AGAP1: variants seen among roughly 807,000 people sequenced by gnomAD.
AGAP1 encodes the protein ArfGAP with GTPase domain, ankyrin repeat and PH domain 1, also known as arf-GAP with GTPase, ANK repeat and PH domain-containing protein 1.
Under a neutral mutation model 105.3 loss-of-function variants are expected in AGAP1, and 29 were observed. The ratio of observed to expected loss-of-function variants is 0.28; its 90% CI spans 0.21 to 0.38. The LOEUF is 0.38. Ranked by LOEUF, AGAP1 falls within the 10% of genes least tolerant of loss-of-function variation. The pLI, the probability that AGAP1 is intolerant of heterozygous loss-of-function variation, is 1.00. For missense variants in AGAP1, 998 were observed against 1,165.1 expected, an observed-to-expected ratio of 0.86 and a Z score of 2.09; for synonymous variants, 509 against 485.9, an observed-to-expected ratio of 1.05 and a Z score of -0.63.
intron 1 of AGAP1, among the ~76,000 whole-genome samples, chr2:235,678,793 A>G (rs1441021407): frequency 6.6e-6 from 1 of 152,050 alleles, no homozygotes; most frequent in Admixed American, 6.6e-5. Context: ...AGACGTAGTA[A>G]GAGTTCTGCC....
At chr2:235,853,084 G>A in intron 9 of AGAP1, 2 of 1,232,812 alleles carry the variant, frequency 1.6e-6, no homozygotes, top group Non-Finnish European at 1.0e-6. Context: ...GGAAATCAAT[G>A]AGCGTTTACG....
intron 6 of AGAP1, among the ~76,000 whole-genome samples, chr2:235,774,899 C>G (rs1425264135): frequency 6.6e-6 from 1 of 152,168 alleles, no homozygotes; most frequent in African/African-American, 2.4e-5. Context: ...GTGCTTGTCA[C>G]CAGGCTACAA....
At chr2:236,100,013 C>G (rs1157887397) in intron 16 of AGAP1, among the ~76,000 whole-genome samples, 2 of 152,104 alleles carry the variant, frequency 1.3e-5, no homozygotes, top group African/African-American at 4.8e-5. Context: ...GCACTCCAGC[C>G]TGAGCAATAG....
chr2:236,111,001 C>A (rs2059625611), intron 16 of AGAP1, among the ~76,000 whole-genome samples: 1 of 152,114 alleles, frequency 6.6e-6, no homozygotes, highest in Admixed American at 6.5e-5. Context: ...CAAACCAGCC[C>A]CCTCGGGCCT....
At chr2:235,767,445 C>T (rs902701549) in intron 6 of AGAP1, among the ~76,000 whole-genome samples, 1 of 152,194 alleles carries the variant, frequency 6.6e-6, no homozygotes, top group Non-Finnish European at 1.5e-5. Context: ...CACCATCAGC[C>T]TCTGTGCAGC....
chr2:236,101,060 A>G lies in AGAP1; in HGVS notation c.2115-19132A>G, dbSNP rs1008397804. ...TCCGCAGACCCAGGCCCCTCATTCC[A>G]TCAGTTTCTTTCAGCATGTTTCCAT... On this transcript the variant is annotated intron_variant, in intron 16 of 17. Transcript: ENST00000304032. This position sits in a 1 kb window ranked among gnomAD's most constrained non-coding sequence, Gnocchi z 4.9. Among the ~76,000 whole-genome samples, 2 of 152,110 alleles carry G rather than the reference A, an allele frequency of 1.3e-5. No individual in the cohort carries two copies.
chr2:235,889,795 A>G lies in AGAP1; in HGVS notation c.1155+6346A>G, dbSNP rs900027644. On this transcript the variant is annotated intron_variant, in intron 10 of 17. Coordinates refer to ENST00000304032, the MANE Select transcript of AGAP1 (RefSeq NM_001037131.3). The surrounding 1 kb of genome is among the most constrained non-coding windows in gnomAD (Gnocchi z 4.6). ...TTCTTAGGAGAGAACCTCTGTTTCT[A>G]AGCAGTGGAATAGAATTGCTTATGG... Among the ~76,000 whole-genome samples the G allele has an allele frequency of 6.6e-6, 1 of 152,174 alleles. No homozygotes were observed. The highest frequency in any genetic ancestry group is 1.5e-5 in the Non-Finnish European group (1 of 68,032).
At chr2:236,091,695 C>T (rs2059064830) in intron 16 of AGAP1, among the ~76,000 whole-genome samples, 1 of 152,202 alleles carries the variant, frequency 6.6e-6, no homozygotes, top group South Asian at 2.1e-4. Context: ...TGGCTTGAGC[C>T]TGGGAGGCAG....
At chr2:235,772,355 A>G (rs1178680474) in intron 6 of AGAP1, among the ~76,000 whole-genome samples, 1 of 152,156 alleles carries the variant, frequency 6.6e-6, no homozygotes, top group South Asian at 2.1e-4. Flanking sequence ...ATGACAGACC[A>G]CACTGAGAAA....
rs1327540061 is a variant in AGAP1 at position 235,882,120 on chromosome 2, A to G, written c.1051-1225A>G. On this transcript the variant is annotated intron_variant, in intron 9 of 17. Transcript: ENST00000304032. This position sits in a 1 kb window ranked among gnomAD's most constrained non-coding sequence, Gnocchi z 4.6. ...GTTTTTGTTTTTGTTCTTTTTGGCT[A>G]CAAGGTGTGTTTTATTTTCATTATT... Among the ~76,000 whole-genome samples the G allele has an allele frequency of 1.3e-5, 2 of 151,814 alleles. No individual in the cohort carries two copies. Among genetic ancestry groups the G allele is most frequent in the Non-Finnish European group, 2.9e-5 (2 of 67,982 alleles).
intron 1 of AGAP1, among the ~76,000 whole-genome samples, chr2:235,594,774 A>G (rs1945463604): frequency 1.3e-5 from 2 of 150,860 alleles, no homozygotes; most frequent in African/African-American, 4.9e-5. Context: ...GGGTCTCACC[A>G]TGTTGACCAG....
intron 1 of AGAP1, among the ~76,000 whole-genome samples, chr2:235,541,011 A>G (rs568058647): frequency 2.6e-5 from 4 of 152,342 alleles, no homozygotes; most frequent in African/African-American, 9.6e-5. Context: ...ATATTTGCTT[A>G]TAGTTTTAAA....
At chr2:235,749,244 G>T (rs900895822) in intron 5 of AGAP1, among the ~76,000 whole-genome samples, 3 of 151,612 alleles carry the variant, frequency 2.0e-5, no homozygotes, top group Admixed American at 2.0e-4. Context: ...TCTGTGAAAA[G>T]TCCTCTCTCC....
chr2:236,026,747 AAAG>A (rs1284366297), intron 13 of AGAP1, among the ~76,000 whole-genome samples: 3 of 152,138 alleles, frequency 2.0e-5, no homozygotes, highest in African/African-American at 7.2e-5. Flanking sequence ...ATAAAAATTA[AAAG>A]AAGGACAGTA....
In AGAP1 at chr2:235,883,295, C is replaced by A. The variant is rs1264946335; in HGVS notation, c.1051-50C>A. 6 of 1,561,086 alleles carry A rather than the reference C, an allele frequency of 3.8e-6. No homozygotes were observed. Among genetic ancestry groups the A allele is most frequent in the Non-Finnish European group, 5.3e-6 (6 of 1,135,842 alleles). On this transcript the variant is annotated intron_variant, in intron 9 of 17. Coordinates refer to ENST00000304032, the MANE Select transcript of AGAP1 (RefSeq NM_001037131.3). The surrounding 1 kb of genome is among the most constrained non-coding windows in gnomAD (Gnocchi z 4.5). The stretch of plus-strand genomic sequence containing the variant: ...TATGTTGCCTGTGTACCTGCCTTTT[C>A]TTTTTTTTATTTACATTAGAATTTC...
intron 13 of AGAP1, among the ~76,000 whole-genome samples, chr2:235,978,113 G>A (rs1224323812): frequency 1.3e-5 from 2 of 152,100 alleles, no homozygotes; most frequent in Non-Finnish European, 2.9e-5. Context: ...AGCCCTCATG[G>A]CCTCATCTAA....
Position 236,105,565 on chromosome 2 carries a change from T to C in AGAP1, c.2115-14627T>C, listed in dbSNP as rs1047525239. On this transcript the variant is annotated intron_variant, in intron 16 of 17. Coordinates refer to ENST00000304032, the MANE Select transcript of AGAP1 (RefSeq NM_001037131.3). This position sits in a 1 kb window ranked among gnomAD's most constrained non-coding sequence, Gnocchi z 4.2. Reference sequence around the variant, plus strand: ...TCTCTCGTGTCTTTTTTTTTTTTTTTTTTTTTTTGAGACACAGTCTCGCTC... The same window carrying C: ...TCTCTCGTGTCTTTTTTTTTTTTTTCTTTTTTTTGAGACACAGTCTCGCTC... Among the ~76,000 whole-genome samples the C allele has an allele frequency of 5.5e-5, 8 of 146,434 alleles. No homozygotes were observed. Among genetic ancestry groups the C allele is most frequent in the African/African-American group, 2.0e-4 (8 of 39,076 alleles).
chr2:236,075,668 C>T (rs530251459), intron 16 of AGAP1, among the ~76,000 whole-genome samples: 73 of 152,234 alleles, frequency 4.8e-4, no homozygotes, highest in African/African-American at 1.6e-3. Flanking sequence ...CTTTCTCCTC[C>T]GCTGCTTTGA....
intron 11 of AGAP1, among the ~76,000 whole-genome samples, chr2:235,913,564 G>A (rs1044717974): frequency 6.6e-6 from 1 of 152,046 alleles, no homozygotes; most frequent in Non-Finnish European, 1.5e-5. Flanking sequence ...TCCCTGCATT[G>A]TCTTACCTTA....
Sources: gnomAD v4.1 joint callset for allele counts (sites outside exome capture counted in the v4.1 genomes callset) on GRCh38, gnomAD v4.1.1 for gene constraint, Gnocchi (gnomAD v3.1) non-coding constraint, MANE v1.5 for transcripts, NCBI Gene and HGNC (gene_info 2026-07-23, HGNC 2026-07-21) for gene names.